The following INO80 variants were observed in gnomAD, a reference collection of about 807,000 sequenced individuals.
INO80 encodes the protein chromatin-remodeling ATPase INO80.
A neutral mutation model predicts 203.4 loss-of-function variants in INO80; 20 were observed. The observed-to-expected ratio is 0.10, with a 90% confidence interval of 0.07 to 0.14. INO80 has a LOEUF of 0.14. Among genes scored for constraint, INO80 ranks in the 10% least tolerant of loss-of-function variants. The pLI is 1.00. For synonymous variants in INO80, 726 were observed against 685.2 expected (o/e 1.06, Z -0.93); for missense variants, 1,419 against 1,914.4 (o/e 0.74, Z 4.83).
At chr15:41,062,751 C>T (rs1378902929) in intron 14 of INO80, among the ~76,000 whole-genome samples, 1 of 152,180 alleles carries the variant, frequency 6.6e-6, no homozygotes, top group Non-Finnish European at 1.5e-5. Flanking sequence ...GCTCCTCTGC[C>T]TTCCAATCTG....
At chr15:41,072,144 T>A in intron 11 of INO80, 86 bp from the exon 12 acceptor site, 2 of 824,222 alleles carry the variant, frequency 2.4e-6, no homozygotes, top group Non-Finnish European at 3.7e-6. Context: ...ACAATATATC[T>A]ACCCTGTGCT....
chr15:40,988,627 C>A (rs1483988464), intron 29 of INO80, among the ~76,000 whole-genome samples: 1 of 152,028 alleles, frequency 6.6e-6, no homozygotes, highest in Non-Finnish European at 1.5e-5. Flanking sequence ...CACCTGTAAT[C>A]CCAGCACTTT....
Position 41,049,309 on chromosome 15 carries a change from C to A in INO80, c.2554G>T (p.Val852Phe), listed in dbSNP as rs764539832. Residue 852 changes from valine (V) to phenylalanine (F), a missense_variant, in exon 21 of 36, where the codon GTC becomes TTC. Val to Phe is a conservative substitution (Grantham distance 50). Transcript: ENST00000648947. ...KFIYRHGQIRVFNHSRDRWLR... is the reference protein window; with the variant it reads ...KFIYRHGQIRFFNHSRDRWLR... ...TACCTGTCTCGTGAATGATTGAAGACCCTGATCTGTCCATGACGGTAGATA... is the reference window on the plus strand; with the variant it reads ...TACCTGTCTCGTGAATGATTGAAGAACCTGATCTGTCCATGACGGTAGATA... The A allele has an allele frequency of 6.2e-7, 1 of 1,613,306 alleles. No homozygotes were observed.
In INO80 at chr15:41,046,151, GTGTGTGTGTCTGTGT is replaced by G. The variant is rs1566926399; in HGVS notation, c.2736-1091_2736-1077del. On this transcript the variant is annotated intron_variant, in intron 23 of 35. Transcript: ENST00000648947. ...CCTAAACAGTTTATATTTAAGGGGT[GTGTGTGTGTCTGTGT>G]GTGTGTGTGTCTGTGTGTGTCTCTG... 1.8e-4 allele frequency among the ~76,000 whole-genome samples: 22 copies of G among 122,870 alleles called. 1 individual carries two copies. The East Asian group carries it at 2.4e-3, about 13-fold the overall frequency. The allele number at this position is 122,870 out of a possible 152,430, so 80.6% of individuals were successfully genotyped here. A position where few individuals can be genotyped will look rare whatever the true frequency, so the allele number is the denominator to read the frequency against.
chr15:41,012,814 T>C (rs1036017874), intron 27 of INO80, among the ~76,000 whole-genome samples: 3 of 152,112 alleles, frequency 2.0e-5, no homozygotes, highest in African/African-American at 7.2e-5. Flanking sequence ...TTGGATGCCA[T>C]GTGAAAGAAT....
chr15:41,001,068 A>G lies in INO80; in HGVS notation c.3498-3467T>C, dbSNP rs530443772. 4.5e-4 allele frequency among the ~76,000 whole-genome samples: 68 copies of G among 152,352 alleles called. 2 individuals are homozygous for G. The highest frequency in any genetic ancestry group is 1.6e-3 in the African/African-American group (65 of 41,590). On this transcript the variant is annotated intron_variant, in intron 28 of 35. Transcript: ENST00000648947. ...GGACTATACTGCTGTAAAAAACAAAAGTATCTAAATCAAACTACTAAGAAG... is the reference window on the plus strand; with the variant it reads ...GGACTATACTGCTGTAAAAAACAAAGGTATCTAAATCAAACTACTAAGAAG...
chr15:41,049,316 C>A lies in INO80; in HGVS notation c.2547G>T (p.Gln849His), dbSNP rs760503965. ...HISKFIYRHGQIRVFNHSRDR... is the reference protein window; with the variant it reads ...HISKFIYRHGHIRVFNHSRDR... Reference sequence around the variant, plus strand: ...CTCGTGAATGATTGAAGACCCTGATCTGTCCATGACGGTAGATAAACTTTG... The same window carrying A: ...CTCGTGAATGATTGAAGACCCTGATATGTCCATGACGGTAGATAAACTTTG... Residue 849 changes from glutamine (Q) to histidine (H), a missense_variant, in exon 21 of 36, where the codon CAG (glutamine) becomes CAT (histidine). Gln to His is a conservative substitution (Grantham distance 24). Around this residue, in one of 9 missense-constraint regions of INO80, gnomAD observed 302 missense variants for 345.4 expected, o/e 0.87. Transcript: ENST00000648947. The A allele has an allele frequency of 6.2e-7, 1 of 1,613,182 alleles. No homozygotes were observed. Among genetic ancestry groups the A allele is most frequent in the Admixed American group, 1.7e-5 (1 of 59,966 alleles).
At chr15:41,048,323 T>C (rs754440429) in intron 21 of INO80, 47 bp from the exon 22 acceptor site, 2 of 1,439,108 alleles carry the variant, frequency 1.4e-6, no homozygotes, top group Non-Finnish European at 2.0e-6. Context: ...ACATAAATAA[T>C]GGAAAGTTAA....
chr15:41,027,773 T>C (rs1332638248), intron 24 of INO80, 37 bp from the exon 25 acceptor site: 2 of 1,527,680 alleles, frequency 1.3e-6, no homozygotes, highest in Non-Finnish European at 1.8e-6. Context: ...CCAACTATAA[T>C]TATGTTTAAT....
At chr15:41,009,839 A>G (rs919860842) in intron 27 of INO80, among the ~76,000 whole-genome samples, 1 of 152,034 alleles carries the variant, frequency 6.6e-6, no homozygotes, top group African/African-American at 2.4e-5. Context: ...GGCTCAAGTG[A>G]TTCTCCTCCC....
chr15:41,081,715 GGAA>G (rs1232297911), intron 7 of INO80, among the ~76,000 whole-genome samples: 1 of 152,148 alleles, frequency 6.6e-6, no homozygotes, highest in Non-Finnish European at 1.5e-5. Context: ...TATTTGACAT[GGAA>G]GAAGATGCTG....
intron 24 of INO80, among the ~76,000 whole-genome samples, chr15:41,029,552 G>A (rs2044429343): frequency 1.3e-5 from 2 of 152,186 alleles, no homozygotes; most frequent in African/African-American, 4.8e-5. Context: ...GCTATGATAT[G>A]TTTGGCCTTT....
intron 31 of INO80, among the ~76,000 whole-genome samples, chr15:40,986,454 A>G (rs1056192294): frequency 6.8e-6 from 1 of 147,914 alleles, no homozygotes; most frequent in African/African-American, 2.5e-5. Flanking sequence ...CCTCCCGAGT[A>G]GCTGGGATTA....
chr15:41,033,587 T>C (rs2044524847), intron 24 of INO80, among the ~76,000 whole-genome samples: 2 of 152,100 alleles, frequency 1.3e-5, no homozygotes, highest in African/African-American at 2.4e-5. Flanking sequence ...AGGGAAGGTG[T>C]GCGAAAGTTC....
At chr15:41,048,335 T>G in intron 21 of INO80, 59 bp from the exon 22 acceptor site, 9 of 1,257,140 alleles carry the variant, frequency 7.2e-6, no homozygotes, top group Non-Finnish European at 1.0e-5. Context: ...GAAAGTTAAC[T>G]AGACTAGAGG....
intron 25 of INO80, among the ~76,000 whole-genome samples, chr15:41,026,557 G>C (rs577231373): frequency 2.0e-5 from 3 of 150,940 alleles, no homozygotes; most frequent in Admixed American, 6.6e-5. Flanking sequence ...TGTCTCAAAA[G>C]CATTAAAAAA....
intron 1 of INO80, among the ~76,000 whole-genome samples, chr15:41,097,054 A>G (rs2045736181): frequency 6.8e-6 from 1 of 147,168 alleles, no homozygotes; most frequent in South Asian, 2.1e-4. Flanking sequence ...ACACAATCAC[A>G]CAATCAGTAT....
chr15:41,005,718 T>C (rs1430594244), intron 27 of INO80, 31 bp from the exon 28 acceptor site: 1 of 1,222,244 alleles, frequency 8.2e-7, no homozygotes, highest in Non-Finnish European at 1.2e-6. Flanking sequence ...ACACAGTAAA[T>C]CTGATGCAAA....
intron 9 of INO80, among the ~76,000 whole-genome samples, chr15:41,079,395 G>T (rs1219811367): frequency 6.6e-6 from 1 of 152,052 alleles, no homozygotes; most frequent in East Asian, 1.9e-4. Flanking sequence ...AGAGAAAAAG[G>T]CCTGAGGAGG....
Sources: allele counts gnomAD v4.1 joint callset (sites outside exome capture counted in the v4.1 genomes callset), GRCh38; gene constraint gnomAD v4.1.1; regional missense constraint gnomAD v4.1.1; transcripts MANE v1.5; gene names NCBI Gene and HGNC (gene_info 2026-07-23, HGNC 2026-07-21).